ROBO2: variants seen among roughly 807,000 people sequenced by gnomAD.
The protein encoded by ROBO2 is roundabout homolog 2.
In ROBO2, 53 loss-of-function variants were observed where a neutral mutation model predicts 160.8. That is an observed-to-expected ratio of 0.33 (90% CI 0.26 to 0.41). ROBO2 has a LOEUF of 0.41. Among genes scored for constraint, ROBO2 ranks in the 10% least tolerant of loss-of-function variants. The probability of loss-of-function intolerance (pLI) is 1.00; values close to 1 mark genes in which losing one functional copy is unlikely to be tolerated. For missense variants in ROBO2, 1,577 were observed against 1,722.4 expected (o/e 0.92, Z 1.49); for synonymous variants, 664 against 611.7 (o/e 1.09, Z -1.26).
chr3:76,983,539 C>T (rs2060209991), intron 2 of ROBO2, among the ~76,000 whole-genome samples: 1 of 151,974 alleles, frequency 6.6e-6, no homozygotes, highest in African/African-American at 2.4e-5. Flanking sequence ...TCATTCACAC[C>T]CTTTTTTCCA....
intron 2 of ROBO2, among the ~76,000 whole-genome samples, chr3:76,298,540 G>T (rs1709198764): frequency 6.6e-6 from 1 of 152,108 alleles, no homozygotes; most frequent in South Asian, 2.1e-4. Flanking sequence ...TCTACATCTT[G>T]GCACTTGTTC....
At chr3:76,984,116 G>C (rs1327171298) in intron 2 of ROBO2, among the ~76,000 whole-genome samples, 1 of 152,064 alleles carries the variant, frequency 6.6e-6, no homozygotes, top group African/African-American at 2.4e-5. Context: ...ACCGCCCCCC[G>C]GGATCCAGTT....
At chr3:76,265,504 T>G (rs1394409278) in intron 2 of ROBO2, among the ~76,000 whole-genome samples, 1 of 152,160 alleles carries the variant, frequency 6.6e-6, no homozygotes. Flanking sequence ...AGTTATAAAT[T>G]CATAGCAGTA....
At chr3:76,443,692 A>G (rs918263542) in intron 2 of ROBO2, among the ~76,000 whole-genome samples, 9 of 152,186 alleles carry the variant, frequency 5.9e-5, no homozygotes, top group Non-Finnish European at 1.3e-4. Flanking sequence ...GGCCACCTGC[A>G]ACAGAATCAT....
intron 2 of ROBO2, among the ~76,000 whole-genome samples, chr3:76,612,359 G>C (rs771086139): frequency 3.9e-5 from 6 of 152,182 alleles, no homozygotes; most frequent in Non-Finnish European, 8.8e-5. Flanking sequence ...GGGTGTTGAA[G>C]TCTCCAGCTA....
At chr3:76,195,996 C>T (rs905015781) in intron 2 of ROBO2, among the ~76,000 whole-genome samples, 1 of 152,052 alleles carries the variant, frequency 6.6e-6, no homozygotes, top group African/African-American at 2.4e-5. Flanking sequence ...TAAACCCACC[C>T]CAGCAAAGAG....
intron 2 of ROBO2, among the ~76,000 whole-genome samples, chr3:76,449,210 A>G (rs945672347): frequency 1.8e-4 from 27 of 152,186 alleles, no homozygotes; most frequent in African/African-American, 5.1e-4. Context: ...GTTATACAGT[A>G]CATGCTGTAC....
At chr3:77,343,301 G>C (rs2197109) in intron 2 of ROBO2, among the ~76,000 whole-genome samples, 65,114 of 151,954 alleles carry the variant, frequency 0.43, 14,908 homozygotes, top group East Asian at 0.72. Context: ...TTCTCTTCAT[G>C]AAAATTTAAG....
At chr3:76,156,107 T>A (rs2072396170) in intron 2 of ROBO2, among the ~76,000 whole-genome samples, 1 of 152,128 alleles carries the variant, frequency 6.6e-6, no homozygotes, top group Non-Finnish European at 1.5e-5. Context: ...GCCTTGTGAT[T>A]TCCCCCTAGT....
intron 2 of ROBO2, among the ~76,000 whole-genome samples, chr3:76,563,041 G>A (rs922485826): frequency 7.2e-5 from 11 of 152,040 alleles, no homozygotes; most frequent in African/African-American, 2.7e-4. Context: ...GACATTGAGG[G>A]AAGGAGTAAG....
At chr3:76,132,405 G>GGC (rs1021673467) in intron 2 of ROBO2, among the ~76,000 whole-genome samples, 6 of 126,694 alleles carry the variant, frequency 4.7e-5, no homozygotes, top group Non-Finnish European at 8.4e-5. Flanking sequence ...GGGGGGGGGG[G>GGC]GGGACGCAGA....
chr3:77,285,772 A>G (rs143617811), intron 2 of ROBO2, among the ~76,000 whole-genome samples: 2 of 152,328 alleles, frequency 1.3e-5, no homozygotes, highest in African/African-American at 2.4e-5. Context: ...GACAAGGCAA[A>G]ACAAAAAGAA....
chr3:76,147,010 A>G (rs1414765383), intron 2 of ROBO2, among the ~76,000 whole-genome samples: 1 of 151,406 alleles, frequency 6.6e-6, no homozygotes, highest in East Asian at 2.0e-4. Context: ...CAGGAAAAAT[A>G]AGAGTACTAG....
At chr3:76,834,517 C>A (rs1001342101) in intron 2 of ROBO2, among the ~76,000 whole-genome samples, 1 of 151,924 alleles carries the variant, frequency 6.6e-6, no homozygotes, top group African/African-American at 2.4e-5. Flanking sequence ...AGATTACAGG[C>A]ACACACCACC....
At chr3:77,624,453 GTGCA>G (rs1211430375) in intron 23 of ROBO2, among the ~76,000 whole-genome samples, 1 of 151,580 alleles carries the variant, frequency 6.6e-6, no homozygotes, top group East Asian at 2.0e-4. Flanking sequence ...TATAGTGTGT[GTGCA>G]TGCATGCATG....
At position 77,563,166 on chromosome 3, in the gene ROBO2, G is replaced by C; in HGVS notation, c.1520-1G>C. On this transcript the variant is annotated splice_acceptor_variant, in intron 10 of 25. Coordinates refer to ENST00000461745, the Ensembl canonical transcript of ROBO2. LOFTEE classifies it high-confidence loss of function. Reference sequence around the variant, plus strand: ...AAGTTTTTTCTGTCTGTCCTCTATAGAGTCTGGAGCAACAATCAGTAAAAA... The same window carrying C: ...AAGTTTTTTCTGTCTGTCCTCTATACAGTCTGGAGCAACAATCAGTAAAAA... The C allele has an allele frequency of 6.2e-7, 1 of 1,612,958 alleles. No individual in the cohort carries two copies. Among genetic ancestry groups the C allele is most frequent in the Non-Finnish European group, 8.5e-7 (1 of 1,179,664 alleles).
chr3:76,639,997 C>T (rs987840970), intron 2 of ROBO2, among the ~76,000 whole-genome samples: 2 of 152,068 alleles, frequency 1.3e-5, no homozygotes, highest in Non-Finnish European at 2.9e-5. Flanking sequence ...TCTATTTTTA[C>T]GGGGTTATGA....
chr3:77,546,545 T>A (rs1196473024), intron 7 of ROBO2, 83 bp downstream of exon 8: 2 of 1,512,278 alleles, frequency 1.3e-6, no homozygotes, highest in African/African-American at 1.4e-5. Flanking sequence ...CTTGCTTCTC[T>A]TGTTCTCAAT....
chr3:76,272,963 T>TATAAA (rs1195510848), intron 2 of ROBO2, among the ~76,000 whole-genome samples: 1 of 12,350 alleles, frequency 8.1e-5, no homozygotes, highest in Non-Finnish European at 1.4e-3. Context: ...AATATATATT[T>TATAAA]ATATATAAAA....
Sources: allele counts gnomAD v4.1 joint callset (sites outside exome capture counted in the v4.1 genomes callset), GRCh38; gene constraint gnomAD v4.1.1; transcripts MANE v1.5; gene names NCBI Gene and HGNC (gene_info 2026-07-23, HGNC 2026-07-21).